Variants in REV1 observed in about 807,000 individuals in gnomAD.
REV1 encodes translesion synthesis protein REV1.
Under a neutral mutation model 137.4 loss-of-function variants are expected in REV1, and 42 were observed. That is an observed-to-expected ratio of 0.31 (90% CI 0.24 to 0.40). The LOEUF (loss-of-function observed/expected upper bound fraction) is 0.40. Among genes scored for constraint, REV1 ranks in the 10% least tolerant of loss-of-function variants. REV1 has a pLI of 1.00. For missense variants in REV1, 1,282 were observed against 1,490.1 expected (o/e 0.86, Z 2.30); for synonymous variants, 524 against 519.2 (o/e 1.01, Z -0.12).
At chr2:99,468,370 A>G (rs1282215713) in intron 1 of REV1, among the ~76,000 whole-genome samples, 1 of 152,228 alleles carries the variant, frequency 6.6e-6, no homozygotes, top group East Asian at 1.9e-4. Context: ...AGGGCATTTA[A>G]TCAGGATACC....
rs1195585346 is a variant in REV1, at chr2:99,439,250, A to G, written c.564T>C (p.Ser188=). ...ENEVKVNGMN[S]WNEEDENNDF... Reference sequence around the variant, plus strand: ...CATTATTTTCATCTTCTTCATTCCAACTGTTCATGCCATTGACTTTGACTT... The same window carrying G: ...CATTATTTTCATCTTCTTCATTCCAGCTGTTCATGCCATTGACTTTGACTT... Residue 188 remains serine, a synonymous_variant, in exon 6 of 23, where the codon AGT becomes AGC. Coordinates refer to ENST00000258428, the MANE Select transcript of REV1 (RefSeq NM_016316.4). The G allele has an allele frequency of 6.2e-7, 1 of 1,614,078 alleles. No individual in the cohort carries two copies. Among genetic ancestry groups the G allele is most frequent in the East Asian group, 2.2e-5 (1 of 44,886 alleles).
intron 3 of REV1, among the ~76,000 whole-genome samples, chr2:99,458,046 G>C (rs1334443821): frequency 6.6e-6 from 1 of 152,076 alleles, no homozygotes; most frequent in African/African-American, 2.4e-5. Context: ...TAGCACCAAA[G>C]TGACAAGTTC....
chr2:99,474,850 C>T (rs945064621), intron 1 of REV1, among the ~76,000 whole-genome samples: 1 of 151,474 alleles, frequency 6.6e-6, no homozygotes, highest in Non-Finnish European at 1.5e-5. Flanking sequence ...TGCAATGAGC[C>T]GAGATTGTGC....
chr2:99,485,945 T>G (rs1032586119), intron 1 of REV1, among the ~76,000 whole-genome samples: 14 of 151,920 alleles, frequency 9.2e-5, no homozygotes, highest in African/African-American at 2.9e-4. Context: ...GGCAAAACAG[T>G]AGGACCCCAT....
At chr2:99,426,110 C>T (rs1679320619) in intron 9 of REV1, among the ~76,000 whole-genome samples, 1 of 151,568 alleles carries the variant, frequency 6.6e-6, no homozygotes, top group Non-Finnish European at 1.5e-5. Flanking sequence ...CTTTGGGAGG[C>T]CGAGGTGGAT....
At chr2:99,490,139 C>G (rs1366793919), upstream of REV1, 1 of 148,098 alleles carries the variant, frequency 6.8e-6, no homozygotes, top group Non-Finnish European at 1.5e-5. Flanking sequence ...TCCCCCCGGC[C>G]CGGGGCGACC....
chr2:99,436,730 C>G (rs1219050987), intron 6 of REV1: 1 of 152,196 alleles, frequency 6.6e-6, no homozygotes, highest in Non-Finnish European at 1.5e-5. Flanking sequence ...ACAAGCAGAG[C>G]TTTCCTCTAT....
At chr2:99,460,902 T>C (rs1684110679) in intron 3 of REV1, among the ~76,000 whole-genome samples, 2 of 152,218 alleles carry the variant, frequency 1.3e-5, no homozygotes, top group Non-Finnish European at 2.9e-5. Flanking sequence ...CAAAAAGTGA[T>C]TACTGCAATA....
At chr2:99,454,321 G>A (rs987355290) in intron 3 of REV1, among the ~76,000 whole-genome samples, 7 of 151,974 alleles carry the variant, frequency 4.6e-5, no homozygotes, top group East Asian at 1.9e-4. Flanking sequence ...AGGCCACAGC[G>A]GGTGGATCCT....
intron 2 of REV1, 60 bp downstream of exon 2, chr2:99,464,862 A>G (rs866921417): frequency 6.7e-7 from 1 of 1,494,672 alleles, no homozygotes. Flanking sequence ...ACATTATAAC[A>G]GAAGAATGAA....
chr2:99,442,274 A>T, intron 5 of REV1, 43 bp downstream of exon 5: 4 of 1,498,200 alleles, frequency 2.7e-6, no homozygotes, highest in Non-Finnish European at 3.6e-6. Context: ...AAAAAAAAAA[A>T]AACCAACCAG....
intron 1 of REV1, among the ~76,000 whole-genome samples, chr2:99,470,699 T>C (rs985779932): frequency 3.3e-5 from 5 of 152,192 alleles, no homozygotes; most frequent in Admixed American, 6.5e-5. Flanking sequence ...TAAAACAAGA[T>C]TGGCTAAGTT....
At chr2:99,410,992 T>C (rs1362809926) in intron 13 of REV1, 125 bp from the exon 14 acceptor site, 2 of 907,668 alleles carry the variant, frequency 2.2e-6, no homozygotes, top group Non-Finnish European at 3.1e-6. Context: ...CAGCATCTAT[T>C]AAAAAGAAAC....
rs757179365 is a variant in REV1 at position 99,403,711 on chromosome 2, C to G, written c.3150G>C (p.Gln1050His). 2 of 1,614,184 alleles carry G rather than the reference C, an allele frequency of 1.2e-6. No homozygotes were observed. The highest frequency in any genetic ancestry group is 1.7e-6 in the Non-Finnish European group (2 of 1,180,032). ...AAGGCTCACCAGATGCGCTGGCTGA[C>G]TGCTGGTGAGTGCTGTTCTCGCCCT... ...QRQGENSTHQ[Q>H]SASASVPKNP... The change falls in exon 19 of 23, where the codon CAG becomes CAC. Residue 1050 changes from glutamine (Q) to histidine (H), a missense_variant. Physicochemically the swap from Gln to His is conservative, Grantham distance 24 (BLOSUM62 0). Around this residue, in one of 7 missense-constraint regions of REV1, gnomAD observed 170 missense variants for 156.8 expected, o/e 1.08. Coordinates refer to ENST00000258428, the MANE Select transcript of REV1 (RefSeq NM_016316.4).
chr2:99,465,833 G>A (rs924327450), intron 1 of REV1, among the ~76,000 whole-genome samples: 10 of 152,202 alleles, frequency 6.6e-5, no homozygotes, highest in East Asian at 1.9e-4. Context: ...TATTATCCAC[G>A]TCAAATCAGC....
At chr2:99,430,188 G>T (rs1202468991) in intron 8 of REV1, among the ~76,000 whole-genome samples, 1 of 146,844 alleles carries the variant, frequency 6.8e-6, no homozygotes, top group East Asian at 2.0e-4. Context: ...TGGGAGGTTT[G>T]TTTTTTTTTT....
intron 7 of REV1, 195 bp downstream of exon 7, chr2:99,435,639 C>T (rs1038597822): frequency 1.0e-5 from 4 of 388,994 alleles, no homozygotes; most frequent in Admixed American, 4.6e-5. Context: ...AATATTCTTC[C>T]CTGAAGATCC....
chr2:99,431,987 T>G, intron 8 of REV1: 1 of 771,186 alleles, frequency 1.3e-6, no homozygotes, highest in Non-Finnish European at 1.6e-6. Flanking sequence ...TAATACGATT[T>G]TTAAAACTGT....
chr2:99,411,159 G>A (rs1677082079), intron 13 of REV1, among the ~76,000 whole-genome samples: 1 of 151,968 alleles, frequency 6.6e-6, no homozygotes, highest in Non-Finnish European at 1.5e-5. Context: ...GTGGTGGCGG[G>A]TGCCTGTAAT....
Sources: gnomAD v4.1 joint callset for allele counts (sites outside exome capture counted in the v4.1 genomes callset) on GRCh38, gnomAD v4.1.1 for gene constraint, gnomAD v4.1.1 regional missense constraint, MANE v1.5 for transcripts, NCBI Gene and HGNC (gene_info 2026-07-23, HGNC 2026-07-21) for gene names.